The following POM121C variants were observed in gnomAD, a reference collection of about 807,000 sequenced individuals.
POM121C encodes the protein nuclear envelope pore membrane protein POM 121C.
POM121C carries 20 observed loss-of-function variants against 66.4 expected under a neutral mutation model. That is an observed-to-expected ratio of 0.30 (90% CI 0.21 to 0.44). The LOEUF is 0.44. Ranked by LOEUF, POM121C falls within the 20% of genes least tolerant of loss-of-function variation. The pLI is 1.00. For missense variants in POM121C, 580 were observed against 1,225.7 expected, an observed-to-expected ratio of 0.47 and a Z score of 7.87; for synonymous variants, 286 against 528.0, an observed-to-expected ratio of 0.54 and a Z score of 6.28.
chr7:75,454,117 C>T (rs1554476038), intron 3 of POM121C, among the ~76,000 whole-genome samples: 1 of 152,212 alleles, frequency 6.6e-6, no homozygotes, highest in Non-Finnish European at 1.5e-5. Flanking sequence ...GGAAAAGAGA[C>T]ATACCCCCGA....
chr7:75,439,340 T>C, intron 5 of POM121C, 116 bp from the exon 6 acceptor site: 1 of 1,414,690 alleles, frequency 7.1e-7, no homozygotes. Context: ...GATTCCATGC[T>C]AGACCAGAAA....
Position 75,422,068 on chromosome 7 carries a change from G to C in POM121C, c.2184C>G (p.Ser728Arg). The C allele has an allele frequency of 1.2e-6, 2 of 1,609,896 alleles. No individual in the cohort carries two copies. The highest frequency in any genetic ancestry group is 1.7e-6 in the Non-Finnish European group (2 of 1,176,808). Residue 728 changes from serine to arginine, a missense_variant, in exon 13 of 15, where the codon AGC becomes AGG. By Grantham distance (110) the Ser-to-Arg change is moderately radical. Transcript: ENST00000615331. ...CTGCAGAGTTTCCAAAAGTGAAAGA[G>C]CTGCCAAAGCTGGGGGTAAGGGCTG... ...AKPALTPSFG[S>R]SFTFGNSAAP...
At position 75,417,180 on chromosome 7, in the gene POM121C, G is replaced by A. The variant is rs1584636694; in HGVS notation, c.*1616C>T. On this transcript the variant is annotated 3_prime_UTR_variant, in exon 15 of 15. Coordinates refer to ENST00000615331, the MANE Select transcript of POM121C (RefSeq NM_001099415.3). ...TATAACACTCGCCCTCAGTCACAAC[G>A]GGGAGGGGGCACCGGTTACATCTAC... is the stretch of plus-strand genomic sequence containing the variant. 7.2e-6 allele frequency: 7 copies of A among 976,710 alleles called. No individual in the cohort carries two copies. In the South Asian group the frequency reaches 2.3e-4, roughly 32 times the overall value. The allele number at this position is 976,710 out of a possible 1,614,324, so 60.5% of individuals were successfully genotyped here.
intron 7 of POM121C, among the ~76,000 whole-genome samples, chr7:75,428,290 C>A (rs236669): frequency 0.013 from 2,006 of 152,300 alleles, 23 homozygotes; most frequent in Non-Finnish European, 0.016. Context: ...CAGGAGCATG[C>A]CACCACAGCC....
intron 13 of POM121C, 136 bp downstream of exon 13, chr7:75,421,373 C>T: frequency 6.7e-7 from 1 of 1,495,956 alleles, no homozygotes; most frequent in Non-Finnish European, 8.9e-7. Context: ...ATGTATCATG[C>T]CCTGGCATCT....
chr7:75,437,787 G>A (rs1282197935), intron 6 of POM121C, 101 bp from the exon 7 acceptor site: 2 of 1,419,270 alleles, frequency 1.4e-6, no homozygotes, highest in Non-Finnish European at 1.9e-6. Context: ...GAAGGGAAGA[G>A]AATAATGCTT....
At chr7:75,439,445 A>C (rs1367125974) in intron 5 of POM121C, among the ~76,000 whole-genome samples, 2 of 152,098 alleles carry the variant, frequency 1.3e-5, no homozygotes, top group African/African-American at 2.4e-5. Context: ...GCAATAGCAC[A>C]ATCTTGGCTC....
At chr7:75,472,455 G>T (rs138061288) in intron 3 of POM121C, among the ~76,000 whole-genome samples, 11 of 151,888 alleles carry the variant, frequency 7.2e-5, no homozygotes, top group African/African-American at 2.2e-4. Flanking sequence ...AGAGGTTATC[G>T]TGAGCCAAGA....
chr7:75,455,075 A>G (rs1210514109), intron 3 of POM121C, among the ~76,000 whole-genome samples: 3 of 152,204 alleles, frequency 2.0e-5, no homozygotes, highest in African/African-American at 7.2e-5. Context: ...TATAGATAAG[A>G]CAAGAGATGA....
At chr7:75,430,474 C>A (rs377392913) in intron 7 of POM121C, among the ~76,000 whole-genome samples, 26 of 151,646 alleles carry the variant, frequency 1.7e-4, no homozygotes, top group African/African-American at 5.3e-4. Context: ...AACAAACAAA[C>A]AAAAAAAACT....
chr7:75,455,059 C>G (rs797038730), intron 3 of POM121C, among the ~76,000 whole-genome samples: 2,663 of 125,984 alleles, frequency 0.021, no homozygotes, highest in Middle Eastern at 0.09. Context: ...TGATATCAGA[C>G]TAAATTATAG....
At chr7:75,427,510 C>T (rs1185648164) in intron 7 of POM121C, among the ~76,000 whole-genome samples, 1 of 149,708 alleles carries the variant, frequency 6.7e-6, no homozygotes, top group Non-Finnish European at 1.5e-5. Flanking sequence ...ACAACGATGG[C>T]ATTTATCATC....
intron 3 of POM121C, among the ~76,000 whole-genome samples, chr7:75,463,395 C>T (rs184805414): frequency 0.012 from 1,801 of 151,422 alleles, 59 homozygotes; most frequent in African/African-American, 0.041. Flanking sequence ...TGAAGGACTG[C>T]TCCAGTGCCC....
intron 5 of POM121C, among the ~76,000 whole-genome samples, chr7:75,439,654 A>G (rs1790556391): frequency 6.6e-6 from 1 of 151,832 alleles, no homozygotes; most frequent in Non-Finnish European, 1.5e-5. Context: ...TCAAAGTGTT[A>G]GGAGTACAGG....
At chr7:75,446,921 T>A (rs1790830019) in intron 3 of POM121C, among the ~76,000 whole-genome samples, 2 of 125,228 alleles carry the variant, frequency 1.6e-5, no homozygotes, top group Admixed American at 2.2e-4. Flanking sequence ...GGCAAGAGAA[T>A]GGCGTGAACC....
intron 7 of POM121C, among the ~76,000 whole-genome samples, chr7:75,432,463 T>C (rs1554472472): frequency 6.6e-6 from 1 of 152,150 alleles, no homozygotes; most frequent in African/African-American, 2.4e-5. Flanking sequence ...CACCAAAGAA[T>C]GCATACTCTA....
rs587652603 is a variant in POM121C, at chr7:75,419,662, G to A, written c.2744-220C>T. The stretch of plus-strand genomic sequence containing the variant: ...CTCCCACCCGCTAATGGCCACGCCA[G>A]GGCAGAGAAAAAGCCCCCCTGCCCC... On this transcript the variant is annotated intron_variant, in intron 13 of 14. Coordinates refer to ENST00000615331, the MANE Select transcript of POM121C (RefSeq NM_001099415.3). 33 of 570,542 alleles carry A rather than the reference G, an allele frequency of 5.8e-5. No homozygotes were observed. The East Asian group carries it at 9.8e-4, about 17-fold the overall frequency. The allele number at this position is 570,542 out of a possible 1,614,324, so 35.3% of individuals were successfully genotyped here.
chr7:75,452,946 T>C (rs1267617099), intron 3 of POM121C, among the ~76,000 whole-genome samples: 2 of 152,078 alleles, frequency 1.3e-5, no homozygotes, highest in East Asian at 1.9e-4. Context: ...AGGAGATTCC[T>C]GGAGAGGAAC....
In POM121C at chr7:75,429,755, A is replaced by G. The variant is rs587647013; in HGVS notation, c.481-3302T>C. On this transcript the variant is annotated intron_variant, in intron 7 of 14. Coordinates refer to ENST00000615331, the MANE Select transcript of POM121C (RefSeq NM_001099415.3). ...AGGTGGGACATGGTGGTTCATGCCTATAATTCCAGCACTCAGAGAGGCCAA... is the reference window on the plus strand; with the variant it reads ...AGGTGGGACATGGTGGTTCATGCCTGTAATTCCAGCACTCAGAGAGGCCAA... Among the ~76,000 whole-genome samples the G allele has an allele frequency of 3.3e-5, 5 of 152,340 alleles. No individual in the cohort carries two copies. In the East Asian group the frequency reaches 7.7e-4, roughly 23 times the overall value.
Sources: gnomAD v4.1 joint callset for allele counts (sites outside exome capture counted in the v4.1 genomes callset) on GRCh38, gnomAD v4.1.1 for gene constraint, MANE v1.5 for transcripts, NCBI Gene and HGNC (gene_info 2026-07-23, HGNC 2026-07-21) for gene names.